LARGE1: variants seen among roughly 807,000 people sequenced by gnomAD.
The protein encoded by LARGE1 is LARGE xylosyl- and glucuronyltransferase 1.
Under a neutral mutation model 87.6 loss-of-function variants are expected in LARGE1, and 43 were observed. The observed-to-expected ratio is 0.49, with a 90% CI of 0.38 to 0.63. The LOEUF is 0.63. LARGE1 is among the 30% of genes least tolerant of loss of function. The probability of loss-of-function intolerance (pLI) is 0.00; values close to 1 mark genes in which losing one functional copy is unlikely to be tolerated. For synonymous variants in LARGE1, 434 were observed against 394.6 expected, an observed-to-expected ratio of 1.10 and a Z score of -1.18; for missense variants, 802 against 1,000.2, an observed-to-expected ratio of 0.80 and a Z score of 2.67.
chr22:33,441,754 G>C (rs2067488006), intron 6 of LARGE1, among the ~76,000 whole-genome samples: 1 of 152,146 alleles, frequency 6.6e-6, no homozygotes, highest in Non-Finnish European at 1.5e-5. Flanking sequence ...CCAGCTCATA[G>C]GTAATATCGA....
At chr22:33,922,707 A>G (rs1032575358), upstream of LARGE1, 1 of 152,252 alleles carries the variant, frequency 6.6e-6, no homozygotes, top group East Asian at 1.9e-4. Context: ...GAAGAACATT[A>G]TATGAAAAAA....
chr22:33,483,820 G>C (rs570891229), intron 6 of LARGE1, among the ~76,000 whole-genome samples: 3 of 152,280 alleles, frequency 2.0e-5, no homozygotes, highest in African/African-American at 7.2e-5. Flanking sequence ...TGGAGATCTG[G>C]AAGGAGTGGC....
intron 12 of LARGE1, among the ~76,000 whole-genome samples, chr22:33,289,975 T>C (rs946283916): frequency 6.6e-6 from 1 of 151,998 alleles, no homozygotes. Context: ...AGGCTTCCTA[T>C]GCCAAATGAA....
At chr22:33,675,083 G>A (rs2081528405) in intron 2 of LARGE1, among the ~76,000 whole-genome samples, 1 of 151,556 alleles carries the variant, frequency 6.6e-6, no homozygotes, top group South Asian at 2.1e-4. Context: ...ACCTGAGGTC[G>A]AATGTTCGAG....
At chr22:33,195,328 C>G (rs943841625) in intron 11 of LARGE1, among the ~76,000 whole-genome samples, 9 of 152,084 alleles carry the variant, frequency 5.9e-5, no homozygotes, top group African/African-American at 1.9e-4. Flanking sequence ...ATGAACTATT[C>G]TGAACTAACT....
At chr22:33,490,171 C>T (rs999081748) in intron 6 of LARGE1, among the ~76,000 whole-genome samples, 1 of 152,162 alleles carries the variant, frequency 6.6e-6, no homozygotes, top group Non-Finnish European at 1.5e-5. Context: ...TGCAATATTA[C>T]ATCATATTTA....
At chr22:33,209,736 C>G (rs894994129) in intron 11 of LARGE1, among the ~76,000 whole-genome samples, 1 of 152,206 alleles carries the variant, frequency 6.6e-6, no homozygotes, top group African/African-American at 2.4e-5. Flanking sequence ...GCCTCGACCT[C>G]CTGGGCTCAA....
chr22:33,583,597 T>C (rs549744963), intron 5 of LARGE1, among the ~76,000 whole-genome samples: 11 of 152,334 alleles, frequency 7.2e-5, no homozygotes, highest in African/African-American at 2.4e-4. Flanking sequence ...ACAACGCCTA[T>C]CCCATTCAGC....
intron 2 of LARGE1, among the ~76,000 whole-genome samples, chr22:33,691,283 G>C (rs1226999669): frequency 6.6e-6 from 1 of 151,994 alleles, no homozygotes; most frequent in African/African-American, 2.4e-5. Context: ...GAGGGAGGGA[G>C]GGAGGAGGAG....
intron 12 of LARGE1, among the ~76,000 whole-genome samples, chr22:33,294,254 C>T (rs967591418): frequency 2.6e-5 from 4 of 152,232 alleles, no homozygotes; most frequent in African/African-American, 4.8e-5. Flanking sequence ...TATTGGGAAT[C>T]GCAGGGCTGA....
chr22:33,371,058 T>C (rs1279456849), intron 9 of LARGE1, among the ~76,000 whole-genome samples: 5 of 150,866 alleles, frequency 3.3e-5, no homozygotes, highest in Non-Finnish European at 7.4e-5. Flanking sequence ...GAATAATACA[T>C]GTTATAGAAT....
chr22:33,528,759 T>C (rs2072040378), intron 6 of LARGE1, among the ~76,000 whole-genome samples: 1 of 152,162 alleles, frequency 6.6e-6, no homozygotes, highest in African/African-American at 2.4e-5. Context: ...TGTTTGACAC[T>C]GACACCCCCA....
chr22:33,375,454 C>G (rs574449451), intron 9 of LARGE1, among the ~76,000 whole-genome samples: 1 of 152,110 alleles, frequency 6.6e-6, no homozygotes, highest in East Asian at 1.9e-4. Context: ...TTGAGACCAG[C>G]CTGGCATACA....
chr22:33,723,652 G>A (rs2083175957), intron 2 of LARGE1, among the ~76,000 whole-genome samples: 1 of 152,174 alleles, frequency 6.6e-6, no homozygotes, highest in African/African-American at 2.4e-5. Flanking sequence ...GATAAAATTT[G>A]TGGTGTACCT....
chr22:33,590,408 T>C (rs1440969078), intron 5 of LARGE1, among the ~76,000 whole-genome samples: 1 of 152,200 alleles, frequency 6.6e-6, no homozygotes, highest in East Asian at 1.9e-4. Flanking sequence ...TGTTTATGCA[T>C]TCTTCGAGAA....
At chr22:33,543,211 A>C (rs866909155) in intron 6 of LARGE1, among the ~76,000 whole-genome samples, 185 of 113,536 alleles carry the variant, frequency 1.6e-3, no homozygotes, top group African/African-American at 4.8e-3. Flanking sequence ...AAAAAAGAAA[A>C]AAAGAAAAAA....
At chr22:33,437,794 C>A (rs1179981424) in intron 6 of LARGE1, among the ~76,000 whole-genome samples, 1 of 152,144 alleles carries the variant, frequency 6.6e-6, no homozygotes, top group Non-Finnish European at 1.5e-5. Context: ...AGTTCTTGCC[C>A]TGGGGGCAGC....
chr22:33,078,661 C>T, the LARGE1 span, among the ~76,000 whole-genome samples: 3 of 152,200 alleles, frequency 2.0e-5, no homozygotes, highest in African/African-American at 7.2e-5. Context: ...TGAATCCTTA[C>T]AAATCAATTC....
intron 2 of LARGE1, among the ~76,000 whole-genome samples, chr22:33,684,059 A>G (rs2081868279): frequency 6.6e-6 from 1 of 152,174 alleles, no homozygotes; most frequent in Non-Finnish European, 1.5e-5. Context: ...CCATTCTGAG[A>G]TACTAACAGT....
Sources: gnomAD v4.1 joint callset for allele counts (sites outside exome capture counted in the v4.1 genomes callset) on GRCh38, gnomAD v4.1.1 for gene constraint, MANE v1.5 for transcripts, NCBI Gene and HGNC (gene_info 2026-07-23, HGNC 2026-07-21) for gene names.